Variants in GCLC observed in about 807,000 individuals in gnomAD.
GCLC encodes glutamate--cysteine ligase catalytic subunit.
In GCLC, 30 loss-of-function variants were observed where a neutral mutation model predicts 81.5. That is an observed-to-expected ratio of 0.37 (90% confidence interval 0.28 to 0.50). The LOEUF (loss-of-function observed/expected upper bound fraction) is 0.50, where lower values mean the gene tolerates loss of function less well. GCLC is among the 20% of genes least tolerant of loss of function. The pLI, the probability that GCLC is intolerant of heterozygous loss-of-function variation, is 0.96. For missense variants in GCLC, 556 were observed against 777.4 expected (o/e 0.72, Z 3.39); for synonymous variants, 262 against 273.3 (o/e 0.96, Z 0.41).
At position 53,506,806 on chromosome 6, in the gene GCLC, A is replaced by C. The variant is rs1764623902; in HGVS notation, c.1197+107T>G. The C allele has an allele frequency of 4.2e-6, 3 of 715,722 alleles. No individual in the cohort carries two copies. Among genetic ancestry groups the C allele is most frequent in the Non-Finnish European group, 7.7e-6 (3 of 390,172 alleles). 44.3% of individuals were successfully genotyped at this position (715,722 alleles called of 1,614,324 possible). Reference sequence around the variant, plus strand: ...TTTTGTGTTCTCCACAGGTACAGAAAACTGCCTCCCCATGTTGGTTTGTGA... The same window carrying C: ...TTTTGTGTTCTCCACAGGTACAGAACACTGCCTCCCCATGTTGGTTTGTGA... On this transcript the variant is annotated intron_variant, in intron 10 of 15. Transcript: ENST00000650454. The surrounding 1 kb of genome is among the most constrained non-coding windows in gnomAD (Gnocchi z 4.0).
At chr6:53,543,644 C>T (rs1763396731) in intron 1 of GCLC, among the ~76,000 whole-genome samples, 1 of 152,174 alleles carries the variant, frequency 6.6e-6, no homozygotes, top group Non-Finnish European at 1.5e-5. Flanking sequence ...ACTGCATACA[C>T]ACGTAATTTT....
At chr6:53,529,068 T>G (rs1763129587) in intron 1 of GCLC, among the ~76,000 whole-genome samples, 1 of 152,216 alleles carries the variant, frequency 6.6e-6, no homozygotes, top group Non-Finnish European at 1.5e-5. Context: ...GATTTAAAAT[T>G]ACTTAACATA....
chr6:53,530,963 G>C (rs948884179), intron 1 of GCLC, among the ~76,000 whole-genome samples: 1 of 152,154 alleles, frequency 6.6e-6, no homozygotes, highest in African/African-American at 2.4e-5. Flanking sequence ...GGTAATAGGT[G>C]GGGGAGCAGC....
At chr6:53,503,168 C>CAT (rs1187978915) in intron 12 of GCLC, 4 of 152,202 alleles carry the variant, frequency 2.6e-5, no homozygotes, top group African/African-American at 9.7e-5. Flanking sequence ...GCCCTACCCT[C>CAT]ATAACTGGTA....
chr6:53,502,543 T>C (rs114823152), intron 12 of GCLC, among the ~76,000 whole-genome samples: 1 of 152,218 alleles, frequency 6.6e-6, no homozygotes, highest in Non-Finnish European at 1.5e-5. Context: ...AGCTTTCACA[T>C]CATCTTGGAA....
At chr6:53,509,148 T>C in intron 7 of GCLC, 28 bp downstream of exon 7, 1 of 1,313,608 alleles carries the variant, frequency 7.6e-7, no homozygotes, top group Non-Finnish European at 1.1e-6. Flanking sequence ...CGAAGTAGTA[T>C]TTAAAATAAG....
rs1175678303 is a variant in GCLC at position 53,544,749 on chromosome 6, AC to A, written c.-105del. 8 of 1,172,326 alleles carry A rather than the reference AC, an allele frequency of 6.8e-6. No homozygotes were observed. The highest frequency in any genetic ancestry group is 1.6e-5 in the African/African-American group (1 of 61,628). 72.6% of individuals were successfully genotyped at this position (1,172,326 alleles called of 1,614,324 possible). A position where few individuals can be genotyped will look rare whatever the true frequency, so the allele number is the denominator to read the frequency against. The stretch of plus-strand genomic sequence containing the variant: ...GCCCGCAGAAGGCGGCTGCCGCTCC[AC>A]CCCGCGGGGGCGCTCTCGGGCCGCA... On this transcript the variant is annotated 5_prime_UTR_variant, in exon 1 of 16. Transcript: ENST00000650454.
At chr6:53,521,541 C>A (rs752960487) in intron 2 of GCLC, among the ~76,000 whole-genome samples, 3 of 152,128 alleles carry the variant, frequency 2.0e-5, no homozygotes, top group Non-Finnish European at 2.9e-5. Context: ...GGAGATGAGG[C>A]CTTAAGGGTT....
chr6:53,527,381 T>C (rs2127627373), intron 1 of GCLC, among the ~76,000 whole-genome samples: 1 of 152,338 alleles, frequency 6.6e-6, no homozygotes, highest in African/African-American at 2.4e-5. Context: ...GTTTTCTCCT[T>C]ACACTAACTC....
chr6:53,512,301 G>C (rs921611467), intron 6 of GCLC, among the ~76,000 whole-genome samples: 1 of 151,986 alleles, frequency 6.6e-6, no homozygotes, highest in Non-Finnish European at 1.5e-5. Flanking sequence ...TCAATAATTT[G>C]AATGTGGTTA....
chr6:53,534,748 T>C (rs1332296258), intron 1 of GCLC, among the ~76,000 whole-genome samples: 1 of 152,088 alleles, frequency 6.6e-6, no homozygotes, highest in East Asian at 1.9e-4. Context: ...CATTCAGGGA[T>C]AACATGACAA....
intron 1 of GCLC, among the ~76,000 whole-genome samples, chr6:53,544,176 T>C (rs1470110659): frequency 6.6e-6 from 1 of 152,226 alleles, no homozygotes; most frequent in African/African-American, 2.4e-5. Flanking sequence ...GGTCTGCAGA[T>C]ACACTAGGTT....
chr6:53,506,687 C>T lies in GCLC; in HGVS notation c.1197+226G>A. 2.0e-6 allele frequency: 1 copy of T among 509,248 alleles called. No homozygotes were observed. The highest frequency in any genetic ancestry group is 2.3e-5 in the South Asian group (1 of 43,674). The allele number at this position is 509,248 out of a possible 1,614,324, so 31.5% of individuals were successfully genotyped here. A position where few individuals can be genotyped will look rare whatever the true frequency, so the allele number is the denominator to read the frequency against. The stretch of plus-strand genomic sequence containing the variant: ...AAAAAATTAGAATCAGTGAGATAAA[C>T]AGTAAGAATCGTAAAATAAGAGTAC... On this transcript the variant is annotated intron_variant, in intron 10 of 15. Transcript: ENST00000650454. The surrounding 1 kb of genome is among the most constrained non-coding windows in gnomAD (Gnocchi z 4.0).
chr6:53,544,347 G>C (rs1561955282), intron 1 of GCLC, 149 bp downstream of exon 1: 8 of 711,154 alleles, frequency 1.1e-5, no homozygotes, highest in Non-Finnish European at 1.9e-5. Context: ...AAGCAGGGAC[G>C]ATGCTCCCGG....
chr6:53,505,461 C>G lies in GCLC; in HGVS notation c.1326G>C (p.Val442=). The G allele has an allele frequency of 6.2e-7, 1 of 1,606,232 alleles. No homozygotes were observed. ...CTCTGGTGAGCAGTACCACAAACACCACATAGGCAGAGTTCTCAAAGTCTG... is the reference window on the plus strand; with the variant it reads ...CTCTGGTGAGCAGTACCACAAACACGACATAGGCAGAGTTCTCAAAGTCTG... The part of the protein sequence containing the change: ...QLTDFENSAY[V]VFVVLLTRVI... The change falls in exon 12 of 16, where the codon GTG becomes GTC. Residue 442 remains valine, a synonymous_variant. Coordinates refer to ENST00000650454, the MANE Select transcript of GCLC (RefSeq NM_001498.4).
In GCLC at chr6:53,498,574, CAT is replaced by C. The variant is rs1471029637; in HGVS notation, c.*180_*181del. 2 of 632,010 alleles carry C rather than the reference CAT, an allele frequency of 3.2e-6. No homozygotes were observed. Among genetic ancestry groups the C allele is most frequent in the Non-Finnish European group, 5.7e-6 (2 of 351,576 alleles). The allele number at this position is 632,010 out of a possible 1,614,324, so 39.2% of individuals were successfully genotyped here. A position where few individuals can be genotyped will look rare whatever the true frequency, so the allele number is the denominator to read the frequency against. Reference sequence around the variant, plus strand: ...TTAATCAAAAATACTTTACTATGTACATGTACACTGTATAAACTCTAGATTTA... The same window carrying C: ...TTAATCAAAAATACTTTACTATGTACGTACACTGTATAAACTCTAGATTTA... On this transcript the variant is annotated 3_prime_UTR_variant, in exon 16 of 16. Coordinates refer to ENST00000650454, the MANE Select transcript of GCLC (RefSeq NM_001498.4).
Position 53,516,208 on chromosome 6 carries a change from C to T in GCLC, c.461G>A (p.Gly154Glu), listed in dbSNP as rs1317905339. The change falls in exon 4 of 16, where the codon GGG (glycine) becomes GAG (glutamate). Residue 154 changes from glycine to glutamate, a missense_variant. By Grantham distance (98) the Gly-to-Glu change is moderately conservative. Transcript: ENST00000650454. ...ITSFPRLGCP[G>E]FTLPEVKPNP... ...GGGTTTGACCTCGGGCAGTGTGAAC[C>T]CAGGACAGCCTAATCTACAACAAAT... The T allele has an allele frequency of 2.5e-6, 4 of 1,605,432 alleles. No individual in the cohort carries two copies. The highest frequency in any genetic ancestry group is 3.4e-6 in the Non-Finnish European group (4 of 1,172,148).
chr6:53,520,638 T>A (rs1162894126), intron 3 of GCLC, 140 bp downstream of exon 3: 7 of 779,710 alleles, frequency 9.0e-6, no homozygotes, highest in Non-Finnish European at 1.4e-5. Flanking sequence ...TGTTACAGAG[T>A]CTATCAAGTG....
In GCLC at chr6:53,516,189, G is replaced by T; in HGVS notation, c.480C>A (p.Val160=). Residue 160 remains valine (V), a synonymous_variant, in exon 4 of 16, where the codon GTC becomes GTA. Transcript: ENST00000650454. ...CTCCTCCTTCCACTGGGTTGGGTTT[G>T]ACCTCGGGCAGTGTGAACCCAGGAC... The part of the protein sequence containing the change: ...LGCPGFTLPE[V]KPNPVEGGAS... The T allele has an allele frequency of 6.2e-7, 1 of 1,613,318 alleles. No individual in the cohort carries two copies. Among genetic ancestry groups the T allele is most frequent in the South Asian group, 1.1e-5 (1 of 91,048 alleles).
Sources: gnomAD v4.1 joint callset for allele counts (sites outside exome capture counted in the v4.1 genomes callset) on GRCh38, gnomAD v4.1.1 for gene constraint, Gnocchi (gnomAD v3.1) non-coding constraint, MANE v1.5 for transcripts, NCBI Gene and HGNC (gene_info 2026-07-23, HGNC 2026-07-21) for gene names.